Variants in ARRB1 observed in about 807,000 individuals in gnomAD.
The protein encoded by ARRB1 is arrestin beta 1.
In ARRB1, 21 loss-of-function variants were observed where a neutral mutation model predicts 56.8. That is an observed-to-expected ratio of 0.37 (90% CI 0.26 to 0.53). The LOEUF (loss-of-function observed/expected upper bound fraction) is 0.53, where lower values mean the gene tolerates loss of function less well. ARRB1 is among the 20% of genes least tolerant of loss of function. The pLI, the probability that ARRB1 is intolerant of heterozygous loss-of-function variation, is 0.88. For synonymous variants in ARRB1, 210 were observed against 218.6 expected (o/e 0.96, Z 0.35); for missense variants, 424 against 553.7 (o/e 0.77, Z 2.35).
At chr11:75,274,549 T>G in intron 10 of ARRB1, 2 of 191,244 alleles carry the variant, frequency 1.0e-5, no homozygotes, top group Non-Finnish European at 2.2e-5. Context: ...CCCAGCATTT[T>G]GGGAGGCCGA....
rs1045831630 is a variant in ARRB1 at position 75,264,873 on chromosome 11, T to A, written c.*1290A>T. ...AGGATAACTCCTAACACTTTCTATC[T>A]CATCTCCCATCTGGCTTCTTGCCCC... is the stretch of plus-strand genomic sequence containing the variant. On this transcript the variant is annotated 3_prime_UTR_variant, in exon 16 of 16. Coordinates refer to ENST00000420843, the MANE Select transcript of ARRB1 (RefSeq NM_004041.5). The A allele has an allele frequency of 1.2e-4, 18 of 152,254 alleles. No individual in the cohort carries two copies. Among genetic ancestry groups the A allele is most frequent in the African/African-American group, 4.3e-4 (18 of 41,424 alleles). 9.4% of individuals were successfully genotyped at this position (152,254 alleles called of 1,614,324 possible). A position where few individuals can be genotyped will look rare whatever the true frequency, so the allele number is the denominator to read the frequency against.
intron 1 of ARRB1, among the ~76,000 whole-genome samples, chr11:75,316,923 A>T (rs1252108792): frequency 6.6e-6 from 1 of 152,048 alleles, no homozygotes; most frequent in Admixed American, 6.6e-5. Flanking sequence ...AAAATTAGCC[A>T]TGTGTAGTGG....
chr11:75,327,715 A>G (rs914236188), intron 1 of ARRB1, among the ~76,000 whole-genome samples: 1 of 151,422 alleles, frequency 6.6e-6, no homozygotes, highest in South Asian at 2.1e-4. Context: ...CAGCCTCCTA[A>G]GTAGCTGGGA....
At chr11:75,320,338 G>A (rs963720231) in intron 1 of ARRB1, among the ~76,000 whole-genome samples, 3 of 152,152 alleles carry the variant, frequency 2.0e-5, no homozygotes, top group Non-Finnish European at 2.9e-5. Context: ...AAAGGAGGAG[G>A]AATGAGAAAG....
chr11:75,266,062 G>T lies in ARRB1; in HGVS notation c.*101C>A. On this transcript the variant is annotated 3_prime_UTR_variant, in exon 16 of 16. Transcript: ENST00000420843. The stretch of plus-strand genomic sequence containing the variant: ...CCACGGGGCCCCCTGGTAGAAACTG[G>T]AAGAACAAAGGGGAAAAGAAACCAG... 1 of 1,089,564 alleles carries T rather than the reference G, an allele frequency of 9.2e-7. No individual in the cohort carries two copies. The allele number at this position is 1,089,564 out of a possible 1,614,324, so 67.5% of individuals were successfully genotyped here.
In ARRB1 at chr11:75,266,840, A is replaced by G. The variant is rs34207030; in HGVS notation, c.1146-566T>C. 9.6e-3 allele frequency among the ~76,000 whole-genome samples: 1,464 copies of G among 152,308 alleles called. 27 individuals carry two copies. Among genetic ancestry groups the G allele is most frequent in the African/African-American group, 0.031 (1,292 of 41,552 alleles). ...CTCAGATTCTACCTTGGGGGATCCC[A>G]GACAGAAGAAGGCTGGGGTAGGAGG... is the stretch of plus-strand genomic sequence containing the variant. On this transcript the variant is annotated intron_variant, in intron 15 of 15. Transcript: ENST00000420843.
At chr11:75,289,816 T>C (rs1946562632) in intron 2 of ARRB1, among the ~76,000 whole-genome samples, 193 bp downstream of exon 2, 1 of 152,188 alleles carries the variant, frequency 6.6e-6, no homozygotes, top group Non-Finnish European at 1.5e-5. Context: ...GAAAGTTTCC[T>C]GAGTGTGTCC....
At chr11:75,318,312 T>A (rs1947296109) in intron 1 of ARRB1, among the ~76,000 whole-genome samples, 1 of 152,100 alleles carries the variant, frequency 6.6e-6, no homozygotes, top group Non-Finnish European at 1.5e-5. Context: ...TACAGGAACA[T>A]GCCTGGCTAA....
intron 3 of ARRB1, among the ~76,000 whole-genome samples, chr11:75,287,086 T>C (rs1261016907): frequency 1.3e-5 from 2 of 152,144 alleles, no homozygotes; most frequent in Admixed American, 6.5e-5. Context: ...CTTCTTACCA[T>C]CATCAGGACG....
chr11:75,317,595 G>A (rs576571186), intron 1 of ARRB1, among the ~76,000 whole-genome samples: 8 of 152,212 alleles, frequency 5.3e-5, no homozygotes, highest in South Asian at 4.1e-4. Context: ...ATCTCTTGCC[G>A]TCTGTCTACC....
At chr11:75,309,774 C>A (rs1317829657) in intron 1 of ARRB1, among the ~76,000 whole-genome samples, 1 of 152,192 alleles carries the variant, frequency 6.6e-6, no homozygotes, top group Non-Finnish European at 1.5e-5. Context: ...ATTTCCATTA[C>A]TTCCAAGAAT....
chr11:75,310,459 G>C (rs1947132559), intron 1 of ARRB1, among the ~76,000 whole-genome samples: 1 of 152,180 alleles, frequency 6.6e-6, no homozygotes, highest in Non-Finnish European at 1.5e-5. Context: ...GCAGGAAGCG[G>C]AGGAGCCTTT....
At chr11:75,293,936 T>C (rs1417782981) in intron 1 of ARRB1, among the ~76,000 whole-genome samples, 1 of 152,168 alleles carries the variant, frequency 6.6e-6, no homozygotes. Flanking sequence ...GGACCAGCTA[T>C]CTCTACTTAC....
chr11:75,275,154 T>TTTA (rs1324628153), intron 10 of ARRB1, among the ~76,000 whole-genome samples: 2 of 151,000 alleles, frequency 1.3e-5, no homozygotes, highest in African/African-American at 4.9e-5. Context: ...TTTATTTTAT[T>TTTA]TTATTTTTTT....
At chr11:75,293,614 T>TAG (rs1946658647) in intron 1 of ARRB1, among the ~76,000 whole-genome samples, 1 of 152,156 alleles carries the variant, frequency 6.6e-6, no homozygotes, top group Non-Finnish European at 1.5e-5. Context: ...CACAGCCTGA[T>TAG]TCACAGAGCT....
At chr11:75,336,320 C>T (rs1232269829) in intron 1 of ARRB1, among the ~76,000 whole-genome samples, 2 of 152,146 alleles carry the variant, frequency 1.3e-5, no homozygotes, top group Admixed American at 1.3e-4. Flanking sequence ...AGTCACCTTA[C>T]AGACTCAGGG....
At chr11:75,289,873 T>C in intron 2 of ARRB1, 136 bp downstream of exon 2, 1 of 1,288,948 alleles carries the variant, frequency 7.8e-7, no homozygotes, top group Non-Finnish European at 1.1e-6. Flanking sequence ...GTGTCACCCC[T>C]AAGACGGGGA....
intron 1 of ARRB1, among the ~76,000 whole-genome samples, chr11:75,340,951 C>T (rs1947684529): frequency 6.6e-6 from 1 of 152,174 alleles, no homozygotes; most frequent in African/African-American, 2.4e-5. Context: ...GGCAATCTCA[C>T]TTCCCTTCCT....
intron 3 of ARRB1, among the ~76,000 whole-genome samples, chr11:75,286,006 C>T (rs1333149467): frequency 6.6e-6 from 1 of 152,184 alleles, no homozygotes; most frequent in Non-Finnish European, 1.5e-5. Context: ...AGACACCAAA[C>T]AGCATCCCAG....
Sources: allele counts gnomAD v4.1 joint callset (sites outside exome capture counted in the v4.1 genomes callset), GRCh38; gene constraint gnomAD v4.1.1; transcripts MANE v1.5; gene names NCBI Gene and HGNC (gene_info 2026-07-23, HGNC 2026-07-21).